Variants in MARCHF1 observed in about 807,000 individuals in gnomAD.
MARCHF1 encodes the protein membrane associated ring-CH-type finger 1, also known as E3 ubiquitin-protein ligase MARCHF1.
Under a neutral mutation model 54.2 loss-of-function variants are expected in MARCHF1, and 40 were observed. That is an observed-to-expected ratio of 0.74 (90% CI 0.57 to 0.96). MARCHF1 has a LOEUF of 0.96. Among genes scored for constraint, MARCHF1 ranks in the 40% least tolerant of loss-of-function variants. The pLI, the probability that MARCHF1 is intolerant of heterozygous loss-of-function variation, is 0.00. For synonymous variants in MARCHF1, 236 were observed against 236.3 expected (o/e 1.00, Z 0.01); for missense variants, 586 against 656.5 (o/e 0.89, Z 1.17).
At chr4:164,143,474 T>C (rs1389506970) in intron 1 of MARCHF1, among the ~76,000 whole-genome samples, 1 of 150,972 alleles carries the variant, frequency 6.6e-6, no homozygotes, top group African/African-American at 2.4e-5. Context: ...AGCAGATCTC[T>C]CGGCAGAAAC....
chr4:163,877,152 A>T (rs1750307333), intron 3 of MARCHF1, among the ~76,000 whole-genome samples: 1 of 152,198 alleles, frequency 6.6e-6, no homozygotes, highest in South Asian at 2.1e-4. Context: ...TGATAATGAC[A>T]GCATTATTTG....
intron 1 of MARCHF1, among the ~76,000 whole-genome samples, chr4:164,114,088 C>T (rs886630857): frequency 6.6e-6 from 1 of 151,740 alleles, no homozygotes; most frequent in African/African-American, 2.4e-5. Context: ...AAATCAGTGT[C>T]GATTTAATAA....
intron 1 of MARCHF1, among the ~76,000 whole-genome samples, chr4:164,176,980 CTATATATATATATATA>C (rs71595261): frequency 2.2e-4 from 13 of 58,918 alleles, no homozygotes; most frequent in African/African-American, 7.9e-4. Context: ...CTCTCTCTCT[CTATATATATATATATA>C]TATATATATA....
intron 8 of MARCHF1, among the ~76,000 whole-genome samples, chr4:163,565,117 C>G (rs1225064130): frequency 6.6e-6 from 1 of 152,180 alleles, no homozygotes; most frequent in African/African-American, 2.4e-5. Context: ...AGAAATTTGT[C>G]AAACTATGCC....
intron 4 of MARCHF1, among the ~76,000 whole-genome samples, chr4:163,845,277 T>C (rs944255786): frequency 1.3e-5 from 2 of 152,146 alleles, no homozygotes; most frequent in Non-Finnish European, 2.9e-5. Context: ...ACAGGTCCCA[T>C]TTATTTCCAG....
intron 8 of MARCHF1, among the ~76,000 whole-genome samples, chr4:163,574,216 C>G (rs1739955243): frequency 6.6e-6 from 1 of 152,060 alleles, no homozygotes; most frequent in Non-Finnish European, 1.5e-5. Flanking sequence ...GATATTAGCC[C>G]TTTGTCAGAT....
intron 4 of MARCHF1, among the ~76,000 whole-genome samples, chr4:163,779,682 C>G (rs1020269130): frequency 3.3e-5 from 5 of 152,032 alleles, no homozygotes; most frequent in African/African-American, 1.2e-4. Flanking sequence ...TTTATTTGCT[C>G]TGAACTGAAG....
chr4:163,813,980 T>G (rs184385471), intron 4 of MARCHF1, among the ~76,000 whole-genome samples: 1 of 152,304 alleles, frequency 6.6e-6, no homozygotes, highest in Admixed American at 6.5e-5. Context: ...CCCTTGTGGC[T>G]TGGACAGAAT....
intron 1 of MARCHF1, among the ~76,000 whole-genome samples, chr4:164,345,033 G>A (rs918028651): frequency 2.0e-5 from 3 of 152,094 alleles, no homozygotes; most frequent in Non-Finnish European, 4.4e-5. Context: ...AGGCCAAAAC[G>A]TTACAGCTAA....
intron 2 of MARCHF1, among the ~76,000 whole-genome samples, chr4:164,037,936 G>A (rs184242660): frequency 4.9e-4 from 75 of 152,246 alleles, no homozygotes; most frequent in African/African-American, 1.6e-3. Context: ...ATGAAATTCC[G>A]GAAATGGAGA....
chr4:163,656,816 C>T (rs940154484), intron 5 of MARCHF1, among the ~76,000 whole-genome samples: 1 of 151,922 alleles, frequency 6.6e-6, no homozygotes, highest in African/African-American at 2.4e-5. Context: ...ACATGATTAT[C>T]TTAATAGAGA....
At chr4:163,836,759 G>GCTC (rs76346930) in intron 4 of MARCHF1, among the ~76,000 whole-genome samples, 2 of 145,328 alleles carry the variant, frequency 1.4e-5, no homozygotes, top group Non-Finnish European at 3.0e-5. Context: ...GATACCAAGT[G>GCTC]CGCCATTGGC....
chr4:164,134,340 C>T (rs1756357940), intron 1 of MARCHF1, among the ~76,000 whole-genome samples: 1 of 152,136 alleles, frequency 6.6e-6, no homozygotes, highest in African/African-American at 2.4e-5. Context: ...AATGCATTCT[C>T]ATTTAAATTT....
chr4:163,939,701 A>C (rs761646222), intron 3 of MARCHF1, among the ~76,000 whole-genome samples: 12 of 152,154 alleles, frequency 7.9e-5, no homozygotes, highest in Non-Finnish European at 1.8e-4. Context: ...AATATCTACT[A>C]TTCCAAGTTC....
intron 1 of MARCHF1, among the ~76,000 whole-genome samples, chr4:164,364,054 A>C (rs1219466362): frequency 1.3e-5 from 2 of 152,124 alleles, no homozygotes; most frequent in Non-Finnish European, 2.9e-5. Flanking sequence ...TTGCGTAAAC[A>C]TCTAGAAAAA....
chr4:164,169,260 T>C (rs1232117827), intron 1 of MARCHF1, among the ~76,000 whole-genome samples: 1 of 152,114 alleles, frequency 6.6e-6, no homozygotes, highest in African/African-American at 2.4e-5. Context: ...TAGACTTCCA[T>C]CAGCCTACTC....
chr4:164,256,557 T>C (rs766898556), intron 1 of MARCHF1, among the ~76,000 whole-genome samples: 1 of 151,842 alleles, frequency 6.6e-6, no homozygotes, highest in Non-Finnish European at 1.5e-5. Flanking sequence ...CAAGAATTTT[T>C]TTAAAAAAAG....
At chr4:164,227,905 T>C (rs1181434524) in intron 1 of MARCHF1, among the ~76,000 whole-genome samples, 1 of 152,136 alleles carries the variant, frequency 6.6e-6, no homozygotes, top group Non-Finnish European at 1.5e-5. Flanking sequence ...TGGTGATTAA[T>C]AACATAGAAA....
chr4:164,172,425 C>G (rs1054826359), intron 1 of MARCHF1, among the ~76,000 whole-genome samples: 1 of 151,964 alleles, frequency 6.6e-6, no homozygotes, highest in Non-Finnish European at 1.5e-5. Flanking sequence ...AATGAAGCCC[C>G]TAGACGATGT....
Sources: gnomAD v4.1 joint callset for allele counts (sites outside exome capture counted in the v4.1 genomes callset) on GRCh38, gnomAD v4.1.1 for gene constraint, MANE v1.5 for transcripts, NCBI Gene and HGNC (gene_info 2026-07-23, HGNC 2026-07-21) for gene names.